Variants in RALGAPA2 observed in about 807,000 individuals in gnomAD.
The protein encoded by RALGAPA2 is ral GTPase-activating protein subunit alpha-2.
RALGAPA2 carries 139 observed loss-of-function variants against 230.4 expected under a neutral mutation model. The ratio of observed to expected loss-of-function variants is 0.60; its 90% CI spans 0.53 to 0.69. The LOEUF (loss-of-function observed/expected upper bound fraction) is 0.69, where lower values mean the gene tolerates loss of function less well. Ranked by LOEUF, RALGAPA2 falls within the 30% of genes least tolerant of loss-of-function variation. The pLI, the probability that RALGAPA2 is intolerant of heterozygous loss-of-function variation, is 0.00. For synonymous variants in RALGAPA2, 847 were observed against 837.8 expected (o/e 1.01, Z -0.19); for missense variants, 2,163 against 2,276.0 (o/e 0.95, Z 1.01).
intron 24 of RALGAPA2, among the ~76,000 whole-genome samples, chr20:20,539,275 A>G (rs2063577638): frequency 6.6e-6 from 1 of 152,116 alleles, no homozygotes; most frequent in Non-Finnish European, 1.5e-5. Context: ...GCTAACTGAA[A>G]ATTCTGACTG....
intron 10 of RALGAPA2, among the ~76,000 whole-genome samples, chr20:20,623,179 G>T (rs547527653): frequency 3.3e-5 from 5 of 152,254 alleles, no homozygotes; most frequent in African/African-American, 1.2e-4. Flanking sequence ...GACAAAGATT[G>T]TAAGATTTAA....
chr20:20,446,664 C>T (rs1243766067), intron 37 of RALGAPA2, among the ~76,000 whole-genome samples: 4 of 152,176 alleles, frequency 2.6e-5, no homozygotes, highest in African/African-American at 4.8e-5. Flanking sequence ...AGCTGACCTG[C>T]GTGGCTACAG....
intron 39 of RALGAPA2, 57 bp from the exon 40 acceptor site, chr20:20,393,310 C>T (rs2059636405): frequency 2.5e-6 from 3 of 1,198,410 alleles, no homozygotes; most frequent in African/African-American, 1.6e-5. Context: ...TCTACGGCCA[C>T]ACATTTCAGG....
Position 20,430,950 on chromosome 20 carries a change from G to A in RALGAPA2, c.5496-18802C>T, listed in dbSNP as rs757106012. ...AACTCATGGTCCCTATCGTCTCCCA[G>A]CATACTACTGATATGACAGGAATGA... On this transcript the variant is annotated intron_variant, in intron 37 of 39. Coordinates refer to ENST00000202677, the MANE Select transcript of RALGAPA2 (RefSeq NM_020343.4). 2.7e-4 allele frequency among the ~76,000 whole-genome samples: 41 copies of A among 151,842 alleles called. 1 individual carries two copies. The highest frequency in any genetic ancestry group is 8.8e-5 in the Non-Finnish European group (6 of 68,002).
intron 16 of RALGAPA2, among the ~76,000 whole-genome samples, chr20:20,596,250 GTAAT>G (rs770736677): frequency 2.0e-5 from 3 of 152,250 alleles, no homozygotes; most frequent in East Asian, 1.9e-4. Context: ...CTAAAAGTAA[GTAAT>G]TGTCTATTGC....
chr20:20,577,344 C>T lies in RALGAPA2; in HGVS notation c.2708-4276G>A, dbSNP rs75215390. Among the ~76,000 whole-genome samples, 917 of 152,078 alleles carry T rather than the reference C, an allele frequency of 6.0e-3. 9 individuals are homozygous for T. Among genetic ancestry groups the T allele is most frequent in the African/African-American group, 0.021 (862 of 41,496 alleles). ...TTATTAAATTAGTGATGGAAAGATC[C>T]CAAGACACACATAAAAAAAGATGTA... On this transcript the variant is annotated intron_variant, in intron 20 of 39. Transcript: ENST00000202677.
chr20:20,560,264 G>A (rs2064217859), intron 23 of RALGAPA2, among the ~76,000 whole-genome samples: 2 of 152,188 alleles, frequency 1.3e-5, no homozygotes, highest in Admixed American at 6.5e-5. Flanking sequence ...CCAGCACACA[G>A]GAAAATGGTA....
intron 4 of RALGAPA2, among the ~76,000 whole-genome samples, chr20:20,647,364 C>T (rs1242253699): frequency 6.6e-6 from 1 of 152,154 alleles, no homozygotes; most frequent in East Asian, 1.9e-4. Context: ...GTATGCCAAG[C>T]CTGCTAGAAG....
chr20:20,475,960 G>A (rs775442095), intron 36 of RALGAPA2, among the ~76,000 whole-genome samples: 2 of 151,906 alleles, frequency 1.3e-5, no homozygotes, highest in African/African-American at 2.4e-5. Flanking sequence ...CCAACAATTG[G>A]GAAAAGACAT....
chr20:20,525,874 A>G (rs1439965958), intron 28 of RALGAPA2, among the ~76,000 whole-genome samples: 1 of 152,062 alleles, frequency 6.6e-6, no homozygotes, highest in Non-Finnish European at 1.5e-5. Flanking sequence ...TCTGGGAGAG[A>G]CTTCTGTTTT....
intron 36 of RALGAPA2, among the ~76,000 whole-genome samples, chr20:20,488,396 C>T (rs771125189): frequency 3.9e-5 from 6 of 152,230 alleles, no homozygotes; most frequent in African/African-American, 7.2e-5. Flanking sequence ...AAGCCTCCTG[C>T]AATTGGTGAA....
chr20:20,711,572 G>C (rs1023798478), intron 1 of RALGAPA2, among the ~76,000 whole-genome samples: 2 of 152,074 alleles, frequency 1.3e-5, no homozygotes, highest in Non-Finnish European at 2.9e-5. Context: ...ACACCCACAG[G>C]GGCGAGCTTC....
At chr20:20,700,415 C>A (rs1048950589) in intron 1 of RALGAPA2, among the ~76,000 whole-genome samples, 6 of 152,058 alleles carry the variant, frequency 3.9e-5, no homozygotes, top group Admixed American at 3.3e-4. Context: ...AACATACCCA[C>A]GTAACAAACC....
At chr20:20,613,348 A>G (rs1208568202) in intron 13 of RALGAPA2, among the ~76,000 whole-genome samples, 1 of 152,296 alleles carries the variant, frequency 6.6e-6, no homozygotes, top group East Asian at 1.9e-4. Flanking sequence ...CCTGATCTCT[A>G]TCTCCTCATA....
In RALGAPA2 at chr20:20,524,507, A is replaced by G. The variant is rs1569462211; in HGVS notation, c.3799T>C (p.Cys1267Arg). Reference sequence around the variant, plus strand: ...AGGACACTCACGGGCAATGCCATGCACCAGTCCAAGAGGCAGAGTAGCAAG... The same window carrying G: ...AGGACACTCACGGGCAATGCCATGCGCCAGTCCAAGAGGCAGAGTAGCAAG... Reference protein sequence around the residue: ...VSLLLCLLDWCMALPVSVLLH... With the variant: ...VSLLLCLLDWRMALPVSVLLH... The change falls in exon 30 of 40, where the codon TGC becomes CGC. Residue 1267 changes from cysteine to arginine, a missense_variant. Coordinates refer to ENST00000202677, the MANE Select transcript of RALGAPA2 (RefSeq NM_020343.4). 1 of 1,613,894 alleles carries G rather than the reference A, an allele frequency of 6.2e-7. No individual in the cohort carries two copies. Among genetic ancestry groups the G allele is most frequent in the Non-Finnish European group, 8.5e-7 (1 of 1,179,846 alleles).
intron 24 of RALGAPA2, among the ~76,000 whole-genome samples, chr20:20,539,060 T>C (rs1009441782): frequency 6.6e-6 from 1 of 152,240 alleles, no homozygotes; most frequent in African/African-American, 2.4e-5. Context: ...ATCCATCTTA[T>C]GTACACACTA....
intron 33 of RALGAPA2, among the ~76,000 whole-genome samples, chr20:20,509,681 T>C (rs997323334): frequency 2.0e-5 from 3 of 151,834 alleles, no homozygotes; most frequent in Non-Finnish European, 4.4e-5. Context: ...GGTGGGAAAG[T>C]AGAAGGGTGA....
chr20:20,528,849 A>G (rs1309569527), intron 27 of RALGAPA2, among the ~76,000 whole-genome samples: 1 of 152,172 alleles, frequency 6.6e-6, no homozygotes, highest in Non-Finnish European at 1.5e-5. Flanking sequence ...TCCGCTACCC[A>G]TGAAGCAGGC....
chr20:20,579,669 G>A (rs1163584952), intron 20 of RALGAPA2, among the ~76,000 whole-genome samples: 1 of 152,066 alleles, frequency 6.6e-6, no homozygotes, highest in East Asian at 1.9e-4. Context: ...TAAAAAAGAC[G>A]TTTTCTTCCA....
Sources: allele counts gnomAD v4.1 joint callset (sites outside exome capture counted in the v4.1 genomes callset), GRCh38; gene constraint gnomAD v4.1.1; transcripts MANE v1.5; gene names NCBI Gene and HGNC (gene_info 2026-07-23, HGNC 2026-07-21).